The following MARCHF1 variants were observed in gnomAD, a reference collection of about 807,000 sequenced individuals.
The protein encoded by MARCHF1 is membrane associated ring-CH-type finger 1, also known as E3 ubiquitin-protein ligase MARCHF1.
In MARCHF1, 40 loss-of-function variants were observed where a neutral mutation model predicts 54.2. The observed-to-expected ratio is 0.74, with a 90% CI of 0.57 to 0.96. The LOEUF (loss-of-function observed/expected upper bound fraction) is 0.96, where lower values mean the gene tolerates loss of function less well. MARCHF1 is among the 40% of genes least tolerant of loss of function. The probability of loss-of-function intolerance (pLI) is 0.00; values close to 1 mark genes in which losing one functional copy is unlikely to be tolerated. For synonymous variants in MARCHF1, 236 were observed against 236.3 expected (o/e 1.00, Z 0.01); for missense variants, 586 against 656.5 (o/e 0.89, Z 1.17).
At chr4:163,831,367 C>T (rs1304227622) in intron 4 of MARCHF1, among the ~76,000 whole-genome samples, 4 of 152,038 alleles carry the variant, frequency 2.6e-5, no homozygotes, top group Admixed American at 6.6e-5. Context: ...GAGGGTAACT[C>T]GAGGCCAGGA....
intron 1 of MARCHF1, among the ~76,000 whole-genome samples, chr4:164,297,515 G>A (rs1734442886): frequency 6.6e-6 from 1 of 152,062 alleles, no homozygotes; most frequent in Admixed American, 6.6e-5. Flanking sequence ...ACTCCTCAAA[G>A]CTGTAAAGGT....
intron 1 of MARCHF1, chr4:164,189,391 A>G: frequency 3.0e-6 from 2 of 665,616 alleles, no homozygotes; most frequent in East Asian, 5.1e-5. Flanking sequence ...CTGGTCTACT[A>G]TGAGGCCTGT....
At chr4:164,011,805 G>T (rs1358619802) in intron 2 of MARCHF1, among the ~76,000 whole-genome samples, 1 of 152,168 alleles carries the variant, frequency 6.6e-6, no homozygotes, top group Non-Finnish European at 1.5e-5. Flanking sequence ...TAATATCGAG[G>T]AAAGAGGTAT....
intron 4 of MARCHF1, among the ~76,000 whole-genome samples, chr4:163,738,971 T>C (rs1244627331): frequency 6.6e-6 from 1 of 152,176 alleles, no homozygotes. Flanking sequence ...ATTCCTTAAG[T>C]CGATGGTTAA....
chr4:164,328,464 A>G (rs1027326430), intron 1 of MARCHF1, among the ~76,000 whole-genome samples: 44 of 152,200 alleles, frequency 2.9e-4, no homozygotes, highest in African/African-American at 9.9e-4. Context: ...GTCAAATACT[A>G]AAGATAATGT....
intron 4 of MARCHF1, among the ~76,000 whole-genome samples, chr4:163,831,970 G>A (rs72997226): frequency 8.5e-5 from 13 of 152,292 alleles, no homozygotes; most frequent in African/African-American, 3.1e-4. Context: ...TGGCTCTAGA[G>A]TGCTGGGTTC....
At chr4:163,912,816 C>T (rs984375093) in intron 3 of MARCHF1, among the ~76,000 whole-genome samples, 2 of 152,200 alleles carry the variant, frequency 1.3e-5, no homozygotes, top group Non-Finnish European at 2.9e-5. Context: ...TGTATTTCTG[C>T]AGGAATAACA....
At chr4:164,378,883 T>C (rs2001631) in intron 1 of MARCHF1, among the ~76,000 whole-genome samples, 56,955 of 151,744 alleles carry the variant, frequency 0.38, 12,468 homozygotes, top group Non-Finnish European at 0.49. Context: ...GGCTAATTTT[T>C]TGTATTTTTA....
intron 1 of MARCHF1, among the ~76,000 whole-genome samples, chr4:164,129,212 AT>A (rs1283236867): frequency 6.6e-6 from 1 of 152,180 alleles, no homozygotes; most frequent in African/African-American, 2.4e-5. Flanking sequence ...TTGTAGAATA[AT>A]GATTAAGAAG....
chr4:163,754,508 T>A (rs1236523495), intron 4 of MARCHF1, among the ~76,000 whole-genome samples: 1 of 152,196 alleles, frequency 6.6e-6, no homozygotes, highest in Non-Finnish European at 1.5e-5. Flanking sequence ...AAATTAGTTA[T>A]TACTGATAAT....
chr4:164,252,869 A>T (rs922203438), intron 1 of MARCHF1, among the ~76,000 whole-genome samples: 2 of 152,156 alleles, frequency 1.3e-5, no homozygotes, highest in Non-Finnish European at 2.9e-5. Context: ...AAGTTCTAAG[A>T]TCTATTTCTT....
chr4:164,260,675 C>G (rs535458138), intron 1 of MARCHF1, among the ~76,000 whole-genome samples: 2 of 152,310 alleles, frequency 1.3e-5, no homozygotes, highest in East Asian at 3.9e-4. Flanking sequence ...CTATTTTTAG[C>G]TATAGGAACT....
At chr4:163,706,336 G>A (rs1744948916) in intron 4 of MARCHF1, among the ~76,000 whole-genome samples, 1 of 151,998 alleles carries the variant, frequency 6.6e-6, no homozygotes, top group African/African-American at 2.4e-5. Context: ...AAAGCCTTCT[G>A]CCAACTTGGA....
rs62334068 is a variant in MARCHF1, at chr4:163,582,426, G to A, written c.1191+3323C>T. ...TTGATGAATTTACTAACTAGATTTT[G>A]GTGGAGTAAGAGTTGCAATTAATGA... is the stretch of plus-strand genomic sequence containing the variant. On this transcript the variant is annotated intron_variant, in intron 8 of 9. Transcript: ENST00000514618. Among the ~76,000 whole-genome samples, 844 of 152,228 alleles carry A rather than the reference G, an allele frequency of 5.5e-3. 2 individuals carry two copies. The highest frequency in any genetic ancestry group is 0.029 in the South Asian group (140 of 4,826).
intron 1 of MARCHF1, chr4:164,188,719 C>A: frequency 9.5e-7 from 1 of 1,050,908 alleles, no homozygotes; most frequent in Non-Finnish European, 1.5e-6. Context: ...ACATCAAGTT[C>A]TTGCGGTTCA....
chr4:164,294,121 A>C (rs532020072), intron 1 of MARCHF1, among the ~76,000 whole-genome samples: 1 of 151,976 alleles, frequency 6.6e-6, no homozygotes, highest in South Asian at 2.1e-4. Context: ...CAGCTTTTGG[A>C]CTCTTGGACT....
At position 163,869,731 on chromosome 4, in the gene MARCHF1, A is replaced by G. The variant is rs533058684; in HGVS notation, c.-38-15562T>C. Reference sequence around the variant, plus strand: ...AAGGCAATTAAATAATATTAAACCAATGACTATTCTATATTACATGGAGTT... The same window carrying G: ...AAGGCAATTAAATAATATTAAACCAGTGACTATTCTATATTACATGGAGTT... On this transcript the variant is annotated intron_variant, in intron 3 of 9. Coordinates refer to ENST00000514618, the MANE Select transcript of MARCHF1 (RefSeq NM_001394959.1). Among the ~76,000 whole-genome samples, 14 of 152,218 alleles carry G rather than the reference A, an allele frequency of 9.2e-5. 1 individual carries two copies. The South Asian group carries it at 2.9e-3, about 32-fold the overall frequency.
intron 3 of MARCHF1, among the ~76,000 whole-genome samples, chr4:163,959,865 C>G (rs565237333): frequency 1.1e-4 from 16 of 151,976 alleles, no homozygotes; most frequent in Middle Eastern, 3.4e-3. Context: ...AAACTATTAA[C>G]AGAGTAAACA....
intron 8 of MARCHF1, among the ~76,000 whole-genome samples, chr4:163,579,798 T>C (rs1009089718): frequency 5.9e-5 from 9 of 152,184 alleles, no homozygotes; most frequent in African/African-American, 2.2e-4. Context: ...CATTTGTGAA[T>C]AAATGGAATA....
Sources: gnomAD v4.1 joint callset for allele counts (sites outside exome capture counted in the v4.1 genomes callset) on GRCh38, gnomAD v4.1.1 for gene constraint, MANE v1.5 for transcripts, NCBI Gene and HGNC (gene_info 2026-07-23, HGNC 2026-07-21) for gene names.